The following COL11A1 variants were observed in gnomAD, a reference collection of about 807,000 sequenced individuals.
COL11A1 encodes the protein collagen alpha-1(XI) chain.
A neutral mutation model predicts 265.2 loss-of-function variants in COL11A1; 74 were observed. The observed-to-expected ratio is 0.28, with a 90% CI of 0.23 to 0.34. The LOEUF (loss-of-function observed/expected upper bound fraction) is 0.34. COL11A1 is among the 10% of genes least tolerant of loss of function. The probability of loss-of-function intolerance (pLI) is 1.00; values close to 1 mark genes in which losing one functional copy is unlikely to be tolerated. For synonymous variants in COL11A1, 816 were observed against 727.6 expected (o/e 1.12, Z -1.96); for missense variants, 2,165 against 2,263.6 (o/e 0.96, Z 0.88).
intron 38 of COL11A1, 86 bp downstream of exon 38, chr1:102,965,401 A>C: frequency 8.2e-7 from 1 of 1,225,486 alleles, no homozygotes; most frequent in Non-Finnish European, 1.2e-6. Flanking sequence ...AATCATAATA[A>C]ATTTAGAAGA....
chr1:103,076,804 C>T (rs1321111269), intron 3 of COL11A1, among the ~76,000 whole-genome samples: 2 of 152,096 alleles, frequency 1.3e-5, no homozygotes, highest in Non-Finnish European at 2.9e-5. Context: ...AGGAACTTCA[C>T]CTGGGTTGTT....
At chr1:103,021,804 C>G in intron 8 of COL11A1, 35 bp from the exon 9 acceptor site, 2 of 1,378,016 alleles carry the variant, frequency 1.5e-6, no homozygotes, top group Non-Finnish European at 2.1e-6. Flanking sequence ...GCCTAAATGT[C>G]TGTAAGACCA....
chr1:102,975,952 T>C (rs1298208794), intron 35 of COL11A1, among the ~76,000 whole-genome samples: 1 of 152,076 alleles, frequency 6.6e-6, no homozygotes, highest in Non-Finnish European at 1.5e-5. Context: ...AAGTTATATA[T>C]AAAGTTAACA....
At chr1:103,019,555 C>T (rs1304145468) in intron 9 of COL11A1, among the ~76,000 whole-genome samples, 1 of 150,314 alleles carries the variant, frequency 6.7e-6, no homozygotes, top group Non-Finnish European at 1.5e-5. Flanking sequence ...GAGTAGATGG[C>T]CAACAAGGTC....
intron 1 of COL11A1, among the ~76,000 whole-genome samples, chr1:103,103,700 T>G (rs1463170648): frequency 6.6e-6 from 1 of 152,022 alleles, no homozygotes; most frequent in African/African-American, 2.4e-5. Context: ...TCTCTTTTAC[T>G]TCCTTGTAAT....
At chr1:103,060,550 C>G (rs545376784) in intron 4 of COL11A1, among the ~76,000 whole-genome samples, 1 of 152,120 alleles carries the variant, frequency 6.6e-6, no homozygotes, top group South Asian at 2.1e-4. Flanking sequence ...TGAATGATTG[C>G]AATGACAGAA....
chr1:103,056,900 C>T (rs1353074361), intron 4 of COL11A1, among the ~76,000 whole-genome samples: 5 of 152,032 alleles, frequency 3.3e-5, no homozygotes, highest in Non-Finnish European at 4.4e-5. Flanking sequence ...AAAATACTAA[C>T]GATTATTTGA....
intron 4 of COL11A1, among the ~76,000 whole-genome samples, chr1:103,065,125 G>T (rs925641906): frequency 1.3e-5 from 2 of 152,086 alleles, no homozygotes; most frequent in Non-Finnish European, 2.9e-5. Context: ...AATAGGGAAG[G>T]TTATATGTTG....
intron 42 of COL11A1, among the ~76,000 whole-genome samples, chr1:102,945,247 A>ACTCTCTCTCTCTCTCT (rs3056651): frequency 7.7e-6 from 1 of 129,174 alleles, no homozygotes; most frequent in African/African-American, 3.0e-5. Flanking sequence ...TTTTCTTTTT[A>ACTCTCTCTCTCTCTCT]CTCTCTCTCT....
intron 41 of COL11A1, among the ~76,000 whole-genome samples, chr1:102,953,452 T>G (rs957227675): frequency 9.9e-5 from 15 of 152,260 alleles, no homozygotes; most frequent in African/African-American, 2.9e-4. Context: ...ATCAGGTTTT[T>G]GTCATGTTTA....
Position 102,979,452 on chromosome 1 carries a change from A to T in COL11A1, c.2557-17T>A. ...AGTGGAACCCTACAATAATAAAAGT[A>T]AATAATGAATAAACATGGCAATTAA... On this transcript the variant is annotated splice_polypyrimidine_tract_variant and intron_variant, in intron 31 of 66. Transcript: ENST00000370096. 6.4e-7 allele frequency: 1 copy of T among 1,568,820 alleles called. No homozygotes were observed.
At chr1:103,032,166 A>T (rs1668043708) in intron 4 of COL11A1, among the ~76,000 whole-genome samples, 1 of 152,128 alleles carries the variant, frequency 6.6e-6, no homozygotes, top group Admixed American at 6.6e-5. Flanking sequence ...TAACTTGAGC[A>T]TTCAATTCCC....
chr1:102,912,121 T>C (rs758135251), intron 54 of COL11A1, 38 bp downstream of exon 54: 19 of 1,531,690 alleles, frequency 1.2e-5, no homozygotes, highest in Admixed American at 1.8e-5. Context: ...TGGTGACTAA[T>C]GAGCATATGT....
At chr1:103,100,809 A>C (rs1490436941) in intron 1 of COL11A1, 1 of 151,954 alleles carries the variant, frequency 6.6e-6, no homozygotes, top group Non-Finnish European at 1.5e-5. Context: ...TCTACTACTT[A>C]CTAGCTGTGT....
intron 5 of COL11A1, among the ~76,000 whole-genome samples, chr1:103,027,430 TATATATATATATATG>T (rs1667625924): frequency 1.2e-5 from 1 of 80,876 alleles, no homozygotes; most frequent in Non-Finnish European, 2.7e-5. Flanking sequence ...TATATATATA[TATATATATATATATG>T]CATGCATGCC....
intron 28 of COL11A1, among the ~76,000 whole-genome samples, chr1:102,995,029 T>C (rs1425454146): frequency 1.3e-5 from 2 of 152,062 alleles, no homozygotes; most frequent in African/African-American, 2.4e-5. Flanking sequence ...GAGAACATCA[T>C]GAGGGAAACC....
chr1:102,884,112 A>G (rs1361583962), intron 63 of COL11A1, among the ~76,000 whole-genome samples: 1 of 152,190 alleles, frequency 6.6e-6, no homozygotes, highest in East Asian at 1.9e-4. Context: ...TGGGACTCAG[A>G]AAATGATACC....
chr1:103,005,750 TTTC>T (rs1665537623), intron 18 of COL11A1, 85 bp downstream of exon 18: 2 of 1,490,868 alleles, frequency 1.3e-6, no homozygotes, highest in Non-Finnish European at 1.9e-6. Flanking sequence ...AAAATTAATT[TTTC>T]TTCTTTTTCT....
chr1:103,023,172 A>G (rs921690727), intron 7 of COL11A1, among the ~76,000 whole-genome samples, 176 bp from the exon 8 acceptor site: 4 of 152,204 alleles, frequency 2.6e-5, no homozygotes, highest in Admixed American at 2.6e-4. Flanking sequence ...ATATATTTGT[A>G]CATTGCTATG....
Sources: allele counts gnomAD v4.1 joint callset (sites outside exome capture counted in the v4.1 genomes callset), GRCh38; gene constraint gnomAD v4.1.1; transcripts MANE v1.5; gene names NCBI Gene and HGNC (gene_info 2026-07-23, HGNC 2026-07-21).